Variants in IMPG2 observed in about 807,000 individuals in gnomAD.
The protein encoded by IMPG2 is interphotoreceptor matrix proteoglycan 2.
In IMPG2, 91 loss-of-function variants were observed where a neutral mutation model predicts 129.2. That is an observed-to-expected ratio of 0.70 (90% CI 0.59 to 0.84). IMPG2 has a LOEUF of 0.84. Ranked by LOEUF, IMPG2 falls within the 40% of genes least tolerant of loss-of-function variation. The probability of loss-of-function intolerance (pLI) is 0.00; values close to 1 mark genes in which losing one functional copy is unlikely to be tolerated. For missense variants in IMPG2, 1,430 were observed against 1,461.7 expected (o/e 0.98, Z 0.35); for synonymous variants, 510 against 517.7 (o/e 0.99, Z 0.20).
intron 11 of IMPG2, among the ~76,000 whole-genome samples, chr3:101,249,588 T>C (rs906215084): frequency 2.0e-5 from 3 of 151,940 alleles, no homozygotes; most frequent in African/African-American, 7.3e-5. Flanking sequence ...AGAAGCAAGA[T>C]ATATCTAGGA....
intron 11 of IMPG2, among the ~76,000 whole-genome samples, chr3:101,251,623 A>T (rs1329214426): frequency 6.6e-6 from 1 of 152,202 alleles, no homozygotes; most frequent in Admixed American, 6.5e-5. Context: ...TCCTAAAGAA[A>T]GCACACTGTA....
chr3:101,233,009 G>C lies in IMPG2; in HGVS notation c.3023-18C>G, dbSNP rs760753332. The C allele has an allele frequency of 2.5e-6, 4 of 1,611,888 alleles. No individual in the cohort carries two copies. In the Admixed American group the frequency reaches 6.7e-5, roughly 27 times the overall value. On this transcript the variant is annotated intron_variant, in intron 14 of 18. Coordinates refer to ENST00000193391, the MANE Select transcript of IMPG2 (RefSeq NM_016247.4). The stretch of plus-strand genomic sequence containing the variant: ...TTCATCACCTAAAACATTAAACAAA[G>C]AATAATGCAAGAAAAGGCAAAACAC...
intron 2 of IMPG2, among the ~76,000 whole-genome samples, chr3:101,304,856 A>T (rs942266848): frequency 8.4e-5 from 1 of 11,890 alleles, no homozygotes; most frequent in African/African-American, 1.4e-4. Flanking sequence ...TATTTCTGAT[A>T]AAAAAAAAAA....
intron 15 of IMPG2, among the ~76,000 whole-genome samples, chr3:101,232,313 C>T (rs749617422): frequency 6.6e-6 from 1 of 151,978 alleles, no homozygotes; most frequent in Non-Finnish European, 1.5e-5. Flanking sequence ...TCTCAGCTCA[C>T]TGCAACCTCT....
At chr3:101,298,424 T>C (rs1251790830) in intron 3 of IMPG2, among the ~76,000 whole-genome samples, 2 of 152,236 alleles carry the variant, frequency 1.3e-5, no homozygotes, top group Non-Finnish European at 2.9e-5. Context: ...TATGTGTGAA[T>C]TTGATTATGT....
At chr3:101,267,413 T>C in intron 9 of IMPG2, 98 bp downstream of exon 9, 1 of 996,702 alleles carries the variant, frequency 1.0e-6, no homozygotes. Context: ...TTGGAAGTGA[T>C]ATAATATTTG....
chr3:101,318,871 A>G (rs1486758223), intron 2 of IMPG2, among the ~76,000 whole-genome samples: 1 of 152,160 alleles, frequency 6.6e-6, no homozygotes, highest in Non-Finnish European at 1.5e-5. Context: ...ATTGACTTAC[A>G]TAAAAAGTAT....
At chr3:101,293,701 C>A (rs1282870624) in intron 3 of IMPG2, among the ~76,000 whole-genome samples, 1 of 152,242 alleles carries the variant, frequency 6.6e-6, no homozygotes, top group East Asian at 1.9e-4. Flanking sequence ...AAGGCTGCTT[C>A]ATCCACATTA....
intron 2 of IMPG2, among the ~76,000 whole-genome samples, chr3:101,312,716 G>A (rs1332512665): frequency 6.6e-6 from 1 of 152,038 alleles, no homozygotes; most frequent in African/African-American, 2.4e-5. Flanking sequence ...ACTGACAAAT[G>A]TGATCTATCC....
chr3:101,245,059 C>G (rs567335823), intron 12 of IMPG2, among the ~76,000 whole-genome samples: 1 of 151,466 alleles, frequency 6.6e-6, no homozygotes, highest in East Asian at 1.9e-4. Flanking sequence ...TTTAATTCCA[C>G]GAAAATAAAG....
At chr3:101,227,600 A>T (rs989324792) in intron 18 of IMPG2, among the ~76,000 whole-genome samples, 1 of 152,234 alleles carries the variant, frequency 6.6e-6, no homozygotes, top group East Asian at 1.9e-4. Context: ...ATTGGATACT[A>T]CTGAAATGGA....
intron 2 of IMPG2, among the ~76,000 whole-genome samples, chr3:101,318,081 A>G (rs2058794051): frequency 6.6e-6 from 1 of 151,332 alleles, no homozygotes; most frequent in Non-Finnish European, 1.5e-5. Flanking sequence ...GGGTGCAGTG[A>G]GCCGAGATCA....
At chr3:101,319,901 A>G (rs2058803304) in intron 1 of IMPG2, 69 bp from the exon 2 acceptor site, 1 of 1,507,656 alleles carries the variant, frequency 6.6e-7, no homozygotes, top group African/African-American at 1.4e-5. Context: ...AACTAAAGAA[A>G]AACTGACACT....
chr3:101,306,297 A>G (rs922033840), intron 2 of IMPG2, among the ~76,000 whole-genome samples: 1 of 152,236 alleles, frequency 6.6e-6, no homozygotes, highest in Non-Finnish European at 1.5e-5. Context: ...CTAAGCCAAA[A>G]AAATTCTTAA....
At chr3:101,229,643 G>A in intron 16 of IMPG2, 53 bp from the exon 17 acceptor site, 2 of 1,471,778 alleles carry the variant, frequency 1.4e-6, no homozygotes, top group Admixed American at 1.7e-5. Context: ...TCAACTATGT[G>A]GAAGACTATT....
chr3:101,294,557 G>T (rs1446195695), intron 3 of IMPG2, among the ~76,000 whole-genome samples: 6 of 152,148 alleles, frequency 3.9e-5, no homozygotes, highest in Non-Finnish European at 8.8e-5. Context: ...AAACATACAT[G>T]TGCATGTGTC....
At position 101,299,445 on chromosome 3, in the gene IMPG2, C is replaced by G. The variant is rs148541741; in HGVS notation, c.501+4701G>C. Among the ~76,000 whole-genome samples the G allele has an allele frequency of 3.3e-5, 5 of 152,344 alleles. No homozygotes were observed. In the East Asian group the frequency reaches 9.6e-4, roughly 29 times the overall value. ...GTTCTTCACCCTTGCTAGAGAGGCA[C>G]TGCAATCATTTGGAGGAGAAGAGGC... On this transcript the variant is annotated intron_variant, in intron 3 of 18. Transcript: ENST00000193391.
rs1326876901 is a variant in IMPG2, at chr3:101,224,506, C to G, written c.*2463G>C. 1.3e-5 allele frequency: 2 copies of G among 152,158 alleles called. No homozygotes were observed. The highest frequency in any genetic ancestry group is 4.8e-5 in the African/African-American group (2 of 41,414). The allele number at this position is 152,158 out of a possible 1,614,324, so 9.4% of individuals were successfully genotyped here. On this transcript the variant is annotated 3_prime_UTR_variant, in exon 19 of 19. Transcript: ENST00000193391. Reference sequence around the variant, plus strand: ...TTCCTCAATTGTGCAGTGTAAATGACAGTTCAGCCTAAGACTTTTAAATGA... The same window carrying G: ...TTCCTCAATTGTGCAGTGTAAATGAGAGTTCAGCCTAAGACTTTTAAATGA...
Position 101,231,017 on chromosome 3 carries a change from T to A in IMPG2, c.3362A>T (p.Tyr1121Phe), listed in dbSNP as rs754672236. The A allele has an allele frequency of 6.2e-7, 1 of 1,614,018 alleles. No individual in the cohort carries two copies. The highest frequency in any genetic ancestry group is 2.2e-5 in the East Asian group (1 of 44,878). ...TGCTTGGAGAGTCCTGATGAAGAAG[T>A]AGATGATAGCAGAAAAGATGACAAG... ...GLLVIFSAIIYFFIRTLQAHH... is the reference protein window; with the variant it reads ...GLLVIFSAIIFFFIRTLQAHH... The change falls in exon 16 of 19, where the codon TAC (tyrosine) becomes TTC (phenylalanine). Residue 1121 changes from tyrosine (Y) to phenylalanine (F), a missense_variant. Tyr to Phe is a conservative substitution (Grantham distance 22). Transcript: ENST00000193391.
Sources: gnomAD v4.1 joint callset for allele counts (sites outside exome capture counted in the v4.1 genomes callset) on GRCh38, gnomAD v4.1.1 for gene constraint, MANE v1.5 for transcripts, NCBI Gene and HGNC (gene_info 2026-07-23, HGNC 2026-07-21) for gene names.